Variants in GPHN observed in about 807,000 individuals in gnomAD.
GPHN encodes gephyrin.
A neutral mutation model predicts 95.5 loss-of-function variants in GPHN; 17 were observed. The ratio of observed to expected loss-of-function variants is 0.18; its 90% CI spans 0.12 to 0.27. GPHN has a LOEUF of 0.27. Ranked by LOEUF, GPHN falls within the 10% of genes least tolerant of loss-of-function variation. The pLI is 1.00. For missense variants in GPHN, 660 were observed against 978.1 expected (o/e 0.67, Z 4.34); for synonymous variants, 320 against 322.5 (o/e 0.99, Z 0.08).
chr14:67,221,963 A>G, the GPHN span: 6 of 873,516 alleles, frequency 6.9e-6, no homozygotes, highest in Non-Finnish European at 1.0e-5. Flanking sequence ...TGAGAATCCT[A>G]TACTGAAGAA....
chr14:67,006,526 G>A (rs773021448), intron 9 of GPHN, among the ~76,000 whole-genome samples: 9 of 152,078 alleles, frequency 5.9e-5, no homozygotes, highest in Admixed American at 1.3e-4. Context: ...CTCTAAAAAG[G>A]CTACTGTTGT....
the GPHN span, among the ~76,000 whole-genome samples, chr14:67,545,262 G>T: frequency 2.6e-5 from 4 of 152,114 alleles, no homozygotes; most frequent in Non-Finnish European, 4.4e-5. Flanking sequence ...TATTCACATG[G>T]TTATACCCAG....
At chr14:67,397,766 A>C in the GPHN span, 1 of 1,613,478 alleles carries the variant, frequency 6.2e-7, no homozygotes, top group Non-Finnish European at 8.5e-7. Flanking sequence ...AGCTTGTAGT[A>C]CACCAGCGTG....
At chr14:66,818,465 G>T (rs2061065698) in intron 3 of GPHN, among the ~76,000 whole-genome samples, 1 of 152,144 alleles carries the variant, frequency 6.6e-6, no homozygotes, top group South Asian at 2.1e-4. Context: ...GTATTGCATG[G>T]AGCATAGGTA....
the GPHN span, chr14:67,467,372 T>A: frequency 2.0e-5 from 3 of 152,048 alleles, no homozygotes; most frequent in Non-Finnish European, 4.4e-5. Context: ...CTGAAGGTAC[T>A]GACAGCCAGG....
the GPHN span, chr14:67,473,704 G>C: frequency 6.3e-7 from 1 of 1,594,982 alleles, no homozygotes; most frequent in Non-Finnish European, 8.5e-7. The surrounding 1 kb of genome is among the most constrained non-coding windows in gnomAD (Gnocchi z 6.5). Flanking sequence ...CAGCGCAGGA[G>C]CAGCGGGCAG....
chr14:67,202,489 C>G, the GPHN span, among the ~76,000 whole-genome samples: 1 of 152,104 alleles, frequency 6.6e-6, no homozygotes, highest in African/African-American at 2.4e-5. Flanking sequence ...TACATTATAT[C>G]TAAAATAAGG....
chr14:67,518,677 C>T, the GPHN span, among the ~76,000 whole-genome samples: 14,961 of 152,264 alleles, frequency 0.098, 1,015 homozygotes, highest in East Asian at 0.26. Context: ...AGGAAACCAG[C>T]CATAAAGGGT....
the GPHN span, among the ~76,000 whole-genome samples, chr14:67,337,100 T>C: frequency 1.3e-4 from 20 of 152,248 alleles, no homozygotes; most frequent in Non-Finnish European, 2.9e-5. Flanking sequence ...GTGCCTCTTA[T>C]GGTTGTTGTA....
the GPHN span, among the ~76,000 whole-genome samples, chr14:67,694,142 C>A: frequency 2.6e-5 from 4 of 152,076 alleles, no homozygotes; most frequent in African/African-American, 9.7e-5. Context: ...CTTGGAATTG[C>A]AAGGTACATA....
chr14:67,578,708 T>G, the GPHN span: 1 of 934,748 alleles, frequency 1.1e-6, no homozygotes, highest in Non-Finnish European at 1.7e-6. This position sits in a 1 kb window ranked among gnomAD's most constrained non-coding sequence, Gnocchi z 5.0. Flanking sequence ...GAGAGGAGTC[T>G]AGGGCAGACC....
intron 9 of GPHN, among the ~76,000 whole-genome samples, chr14:67,021,387 G>A (rs991082404): frequency 6.6e-6 from 1 of 151,990 alleles, no homozygotes; most frequent in African/African-American, 2.4e-5. Context: ...TCAGATTCAG[G>A]GAATTGAATT....
intron 3 of GPHN, among the ~76,000 whole-genome samples, chr14:66,781,315 C>T (rs998847776): frequency 2.0e-5 from 3 of 151,818 alleles, no homozygotes; most frequent in Admixed American, 6.6e-5. Context: ...CTCCCCGGTT[C>T]AAGCAATTCT....
the GPHN span, chr14:67,575,862 G>A: frequency 6.2e-7 from 1 of 1,613,996 alleles, no homozygotes; most frequent in Non-Finnish European, 8.5e-7. Flanking sequence ...TGCGCACATA[G>A]AGGAAGTAGA....
the GPHN span, among the ~76,000 whole-genome samples, chr14:67,709,033 C>T: frequency 1.5e-4 from 23 of 152,236 alleles, no homozygotes; most frequent in South Asian, 4.1e-4. Flanking sequence ...CCTCATGATC[C>T]GCTGGCCTTG....
the GPHN span, among the ~76,000 whole-genome samples, chr14:67,572,758 G>A: frequency 1.3e-5 from 2 of 152,090 alleles, no homozygotes; most frequent in Admixed American, 6.5e-5. Context: ...ATCCACTCCC[G>A]ATGTAATTCC....
rs984075169 is a variant in GPHN, at chr14:67,105,833, T to G, written c.1294-4307T>G. Among the ~76,000 whole-genome samples, 4 of 152,140 alleles carry G rather than the reference T, an allele frequency of 2.6e-5. 1 individual carries two copies. The highest frequency in any genetic ancestry group is 9.7e-5 in the African/African-American group (4 of 41,440). ...GAATTTAATCTATTTACATTTAAGG[T>G]TATTACTGATAGATGAGGACTCCTG... is the stretch of plus-strand genomic sequence containing the variant. On this transcript the variant is annotated intron_variant, in intron 13 of 22. Transcript: ENST00000478722.
At chr14:67,401,310 G>C in the GPHN span, among the ~76,000 whole-genome samples, 3 of 151,966 alleles carry the variant, frequency 2.0e-5, no homozygotes, top group Non-Finnish European at 4.4e-5. Flanking sequence ...AACATAGGAA[G>C]ACCTCATCTC....
In GPHN at chr14:66,672,636, C is replaced by G. The variant is rs74590083; in HGVS notation, c.65-8471C>G. Among the ~76,000 whole-genome samples, 562 of 152,226 alleles carry G rather than the reference C, an allele frequency of 3.7e-3. 7 individuals carry two copies. The highest frequency in any genetic ancestry group is 0.013 in the African/African-American group (525 of 41,528). On this transcript the variant is annotated intron_variant, in intron 1 of 22. Transcript: ENST00000478722. ...GACTGTTATGTATTCTTGGAAAATT[C>G]ATCCCTTTATCATAATATATTGCCC...
Sources: gnomAD v4.1 joint callset for allele counts (sites outside exome capture counted in the v4.1 genomes callset) on GRCh38, gnomAD v4.1.1 for gene constraint, Gnocchi (gnomAD v3.1) non-coding constraint, MANE v1.5 for transcripts, NCBI Gene and HGNC (gene_info 2026-07-23, HGNC 2026-07-21) for gene names.